Variants in HCN1 observed in about 807,000 individuals in gnomAD.
HCN1 encodes potassium/sodium hyperpolarization-activated cyclic nucleotide-gated channel 1.
HCN1 carries 13 observed loss-of-function variants against 78.9 expected under a neutral mutation model. The observed-to-expected ratio is 0.16, with a 90% CI of 0.11 to 0.26. The LOEUF (loss-of-function observed/expected upper bound fraction) is 0.26. Ranked by LOEUF, HCN1 falls within the 10% of genes least tolerant of loss-of-function variation. The pLI, the probability that HCN1 is intolerant of heterozygous loss-of-function variation, is 1.00. For missense variants in HCN1, 810 were observed against 1,154.3 expected (o/e 0.70, Z 4.32); for synonymous variants, 552 against 455.5 (o/e 1.21, Z -2.70).
At position 45,305,548 on chromosome 5, in the gene HCN1, T is replaced by C. The variant is rs530260753; in HGVS notation, c.1378-1709A>G. Among the ~76,000 whole-genome samples, 10 of 152,220 alleles carry C rather than the reference T, an allele frequency of 6.6e-5. No homozygotes were observed. In the South Asian group the frequency reaches 1.4e-3, roughly 22 times the overall value. On this transcript the variant is annotated intron_variant, in intron 5 of 7. Transcript: ENST00000303230. ...ACACTTGAGTCCACGATTGGCTGTA[T>C]CTAGGGAAATTTGTGATAATTTTAG...
At chr5:45,404,267 A>T (rs187760490) in intron 3 of HCN1, among the ~76,000 whole-genome samples, 57 of 152,274 alleles carry the variant, frequency 3.7e-4, no homozygotes, top group Middle Eastern at 6.8e-3. Flanking sequence ...TGCGAATGGG[A>T]GACTGTATAC....
chr5:45,672,996 G>T (rs138015892), intron 1 of HCN1, among the ~76,000 whole-genome samples: 1 of 151,194 alleles, frequency 6.6e-6, no homozygotes, highest in Non-Finnish European at 1.5e-5. Flanking sequence ...TTGTACTTTT[G>T]ATCTAATGTC....
chr5:45,361,246 C>T (rs1450420521), intron 4 of HCN1, among the ~76,000 whole-genome samples: 1 of 151,526 alleles, frequency 6.6e-6, no homozygotes, highest in Non-Finnish European at 1.5e-5. Flanking sequence ...CCATGTTGGT[C>T]AGACTGGTCA....
intron 4 of HCN1, among the ~76,000 whole-genome samples, chr5:45,368,037 A>C (rs1489162335): frequency 6.6e-6 from 1 of 151,948 alleles, no homozygotes; most frequent in African/African-American, 2.4e-5. Flanking sequence ...AAGAGAGCAA[A>C]ACAAAGGAGT....
At chr5:45,473,025 C>T (rs1042121093) in intron 2 of HCN1, among the ~76,000 whole-genome samples, 5 of 151,970 alleles carry the variant, frequency 3.3e-5, no homozygotes, top group Admixed American at 3.3e-4. Flanking sequence ...AAATGCCTAA[C>T]CTTTACAGAG....
At chr5:45,279,288 A>G (rs2111865390) in intron 6 of HCN1, among the ~76,000 whole-genome samples, 1 of 152,276 alleles carries the variant, frequency 6.6e-6, no homozygotes, top group Middle Eastern at 3.4e-3. Context: ...AAATCCTCCC[A>G]CCAAGGGGTC....
intron 2 of HCN1, among the ~76,000 whole-genome samples, chr5:45,512,465 T>A (rs1489276547): frequency 6.6e-6 from 1 of 152,152 alleles, no homozygotes; most frequent in African/African-American, 2.4e-5. Flanking sequence ...CAGACCTAAC[T>A]AGTTATTAAC....
chr5:45,423,640 G>A (rs1740273763), intron 3 of HCN1, among the ~76,000 whole-genome samples: 1 of 151,926 alleles, frequency 6.6e-6, no homozygotes, highest in African/African-American at 2.4e-5. Context: ...TCTTAGACTT[G>A]CTATACAAAT....
intron 2 of HCN1, among the ~76,000 whole-genome samples, chr5:45,489,559 C>T (rs949222322): frequency 6.6e-6 from 1 of 151,750 alleles, no homozygotes; most frequent in Non-Finnish European, 1.5e-5. Flanking sequence ...ATAAAGTGCT[C>T]TCTGTTTCCA....
intron 3 of HCN1, among the ~76,000 whole-genome samples, chr5:45,420,593 G>T (rs1034630016): frequency 5.3e-5 from 8 of 152,038 alleles, no homozygotes; most frequent in Non-Finnish European, 1.2e-4. Context: ...GCCAGCCTTG[G>T]GTGGTCTTTC....
At chr5:45,607,401 A>G (rs1440532592) in intron 2 of HCN1, among the ~76,000 whole-genome samples, 1 of 151,694 alleles carries the variant, frequency 6.6e-6, no homozygotes, top group African/African-American at 2.4e-5. Flanking sequence ...TAAAAATAAT[A>G]GCACACCAAA....
intron 2 of HCN1, among the ~76,000 whole-genome samples, chr5:45,573,506 A>G (rs1743876064): frequency 6.6e-6 from 1 of 151,970 alleles, no homozygotes; most frequent in African/African-American, 2.4e-5. Context: ...ACACTGTAAC[A>G]CTATCCTTTT....
At chr5:45,462,521 G>T (rs924394618) in intron 2 of HCN1, among the ~76,000 whole-genome samples, 2 of 152,054 alleles carry the variant, frequency 1.3e-5, no homozygotes, top group Non-Finnish European at 2.9e-5. Flanking sequence ...TGTGAGTGGA[G>T]ATATTTAATT....
At chr5:45,630,261 C>A (rs1202117241) in intron 2 of HCN1, among the ~76,000 whole-genome samples, 2 of 152,130 alleles carry the variant, frequency 1.3e-5, no homozygotes, top group African/African-American at 4.8e-5. Context: ...AGAGAGGGAG[C>A]AAGGTCTATT....
intron 5 of HCN1, among the ~76,000 whole-genome samples, chr5:45,344,962 C>T (rs1561115754): frequency 6.6e-6 from 1 of 152,160 alleles, no homozygotes; most frequent in Admixed American, 6.5e-5. Flanking sequence ...TACCACACTG[C>T]CCTAGCAGAG....
intron 2 of HCN1, among the ~76,000 whole-genome samples, chr5:45,638,356 A>T (rs1745393795): frequency 6.6e-6 from 1 of 152,156 alleles, no homozygotes; most frequent in African/African-American, 2.4e-5. Flanking sequence ...TTATAGAAAA[A>T]CCTGCAAAAC....
intron 2 of HCN1, among the ~76,000 whole-genome samples, chr5:45,481,434 T>A (rs1741649225): frequency 6.6e-6 from 1 of 152,192 alleles, no homozygotes; most frequent in Non-Finnish European, 1.5e-5. Flanking sequence ...AGGCAATGGA[T>A]GCAGAATGAA....
chr5:45,606,267 T>C (rs1334165253), intron 2 of HCN1, among the ~76,000 whole-genome samples: 1 of 151,980 alleles, frequency 6.6e-6, no homozygotes, highest in Admixed American at 6.6e-5. Flanking sequence ...AGTGAGTGTA[T>C]ACAGAAACTC....
chr5:45,362,860 C>G (rs1295070882), intron 4 of HCN1, among the ~76,000 whole-genome samples: 1 of 151,836 alleles, frequency 6.6e-6, no homozygotes, highest in Non-Finnish European at 1.5e-5. Context: ...ACAAGTAGCC[C>G]TCTACTTACC....
Sources: allele counts gnomAD v4.1 joint callset (sites outside exome capture counted in the v4.1 genomes callset), GRCh38; gene constraint gnomAD v4.1.1; transcripts MANE v1.5; gene names NCBI Gene and HGNC (gene_info 2026-07-23, HGNC 2026-07-21).